DCLK2: variants seen among roughly 807,000 people sequenced by gnomAD.
DCLK2 encodes doublecortin like kinase 2.
DCLK2 carries 31 observed loss-of-function variants against 78.4 expected under a neutral mutation model. That is an observed-to-expected ratio of 0.40 (90% CI 0.30 to 0.53). DCLK2 has a LOEUF of 0.53. Ranked by LOEUF, DCLK2 falls within the 20% of genes least tolerant of loss-of-function variation. DCLK2 has a pLI of 0.61. For synonymous variants in DCLK2, 407 were observed against 374.9 expected (o/e 1.09, Z -0.99); for missense variants, 872 against 973.7 (o/e 0.90, Z 1.39).
intron 2 of DCLK2, among the ~76,000 whole-genome samples, chr4:150,118,490 GA>G (rs916776188): frequency 5.9e-5 from 9 of 151,932 alleles, no homozygotes; most frequent in Admixed American, 2.0e-4. Context: ...AGAAAATACA[GA>G]AAAAAATCTT....
At chr4:150,236,320 C>G (rs1477241258) in intron 10 of DCLK2, among the ~76,000 whole-genome samples, 1 of 152,146 alleles carries the variant, frequency 6.6e-6, no homozygotes, top group Non-Finnish European at 1.5e-5. Context: ...AGTTATTTTT[C>G]AGGTACAGAA....
intron 2 of DCLK2, among the ~76,000 whole-genome samples, chr4:150,119,052 T>G (rs951690850): frequency 2.7e-5 from 4 of 150,642 alleles, no homozygotes; most frequent in African/African-American, 7.3e-5. Flanking sequence ...AATATAATAA[T>G]AATAATAATA....
intron 8 of DCLK2, among the ~76,000 whole-genome samples, chr4:150,231,127 A>C (rs1346386579): frequency 6.6e-6 from 1 of 152,226 alleles, no homozygotes; most frequent in Non-Finnish European, 1.5e-5. Context: ...TAATGTGTGT[A>C]TAAGAAAGAT....
Position 150,138,379 on chromosome 4 carries a change from C to CG in DCLK2, c.756+35573dup, listed in dbSNP as rs758152294. On this transcript the variant is annotated intron_variant, in intron 2 of 15. Transcript: ENST00000296550. ...ATCCCAGCACTTTGGGAGGCCGAGG[C>CG]GGGGGGATCACCTGAGGCCAGGAGT... 1.7e-3 allele frequency among the ~76,000 whole-genome samples: 254 copies of CG among 152,148 alleles called. 1 individual carries two copies. Among genetic ancestry groups the CG allele is most frequent in the Non-Finnish European group, 1.6e-3 (111 of 67,990 alleles).
intron 2 of DCLK2, among the ~76,000 whole-genome samples, chr4:150,182,773 C>G (rs1004250120): frequency 1.3e-5 from 2 of 152,134 alleles, no homozygotes; most frequent in Non-Finnish European, 2.9e-5. Context: ...TATTAAAAGC[C>G]TATAGAGTAT....
chr4:150,180,635 G>T (rs28616626), intron 2 of DCLK2, among the ~76,000 whole-genome samples: 6 of 151,842 alleles, frequency 4.0e-5, no homozygotes, highest in Non-Finnish European at 8.8e-5. Flanking sequence ...CTATTGGGGC[G>T]CAGAACACAA....
At chr4:150,229,857 C>G (rs1741907870) in intron 8 of DCLK2, among the ~76,000 whole-genome samples, 1 of 152,000 alleles carries the variant, frequency 6.6e-6, no homozygotes, top group Admixed American at 6.5e-5. Flanking sequence ...TGGCTCAAGA[C>G]AAAAGAGATA....
At chr4:150,189,156 C>T (rs940304050) in intron 2 of DCLK2, among the ~76,000 whole-genome samples, 3 of 151,354 alleles carry the variant, frequency 2.0e-5, no homozygotes, top group African/African-American at 7.3e-5. Flanking sequence ...TCAGTTATTT[C>T]TTCATGCTAA....
At chr4:150,133,231 C>T (rs1451130378) in intron 2 of DCLK2, among the ~76,000 whole-genome samples, 2 of 152,174 alleles carry the variant, frequency 1.3e-5, no homozygotes, top group Admixed American at 1.3e-4. Context: ...GTGAAAAGGA[C>T]ACGTGTTTAC....
At chr4:150,252,881 T>G (rs1359468781) in intron 15 of DCLK2, among the ~76,000 whole-genome samples, 2 of 152,174 alleles carry the variant, frequency 1.3e-5, no homozygotes, top group South Asian at 2.1e-4. Flanking sequence ...ATGATCCCAT[T>G]CAGTACCTAC....
At chr4:150,128,011 C>T (rs1378657078) in intron 2 of DCLK2, among the ~76,000 whole-genome samples, 1 of 152,220 alleles carries the variant, frequency 6.6e-6, no homozygotes, top group Non-Finnish European at 1.5e-5. Context: ...TTGCAGGCAT[C>T]TAGAAATTCG....
chr4:150,144,061 CTA>C (rs1734290521), intron 2 of DCLK2, among the ~76,000 whole-genome samples: 1 of 151,996 alleles, frequency 6.6e-6, no homozygotes, highest in South Asian at 2.1e-4. Context: ...TCACATTTGT[CTA>C]TTTTAATTTT....
intron 2 of DCLK2, among the ~76,000 whole-genome samples, chr4:150,132,790 G>T (rs1402870561): frequency 6.6e-6 from 1 of 152,028 alleles, no homozygotes; most frequent in Admixed American, 6.6e-5. Flanking sequence ...ACCGTACCTG[G>T]CTAGTTATTT....
intron 2 of DCLK2, among the ~76,000 whole-genome samples, chr4:150,105,554 G>A (rs981765413): frequency 6.6e-6 from 1 of 151,980 alleles, no homozygotes; most frequent in African/African-American, 2.4e-5. Flanking sequence ...TTTATGAAAA[G>A]CATTTTGTTA....
chr4:150,251,888 T>A (rs1158709590), intron 15 of DCLK2, among the ~76,000 whole-genome samples: 2 of 151,720 alleles, frequency 1.3e-5, no homozygotes, highest in Non-Finnish European at 2.9e-5. Flanking sequence ...ACCCTCTGTG[T>A]GTCCTTGCAA....
At chr4:150,225,691 A>G (rs1365738374) in intron 8 of DCLK2, among the ~76,000 whole-genome samples, 1 of 152,232 alleles carries the variant, frequency 6.6e-6, no homozygotes, top group East Asian at 1.9e-4. Context: ...ACATGTTGAA[A>G]TGAAAATATT....
At chr4:150,247,857 G>A (rs1182682522) in intron 13 of DCLK2, among the ~76,000 whole-genome samples, 158 bp downstream of exon 13, 2 of 152,220 alleles carry the variant, frequency 1.3e-5, no homozygotes, top group East Asian at 3.8e-4. Flanking sequence ...GGTCTCTGAA[G>A]TTCTTGGCCA....
intron 2 of DCLK2, among the ~76,000 whole-genome samples, chr4:150,125,011 G>C (rs2150187798): frequency 6.6e-6 from 1 of 152,244 alleles, no homozygotes; most frequent in South Asian, 2.1e-4. Context: ...TATGAGACAA[G>C]TTTCACACAG....
intron 2 of DCLK2, among the ~76,000 whole-genome samples, chr4:150,158,178 G>A (rs1735453682): frequency 6.6e-6 from 1 of 152,224 alleles, no homozygotes; most frequent in South Asian, 2.1e-4. Context: ...TCCCCCTTTT[G>A]GCTGTGTGTT....
Sources: gnomAD v4.1 joint callset for allele counts (sites outside exome capture counted in the v4.1 genomes callset) on GRCh38, gnomAD v4.1.1 for gene constraint, MANE v1.5 for transcripts, NCBI Gene and HGNC (gene_info 2026-07-23, HGNC 2026-07-21) for gene names.